The following TBC1D1 variants were observed in gnomAD, a reference collection of about 807,000 sequenced individuals.
TBC1D1 encodes TBC1 (tre-2/USP6, BUB2, cdc16) domain family, member 1.
TBC1D1 carries 89 observed loss-of-function variants against 125.6 expected under a neutral mutation model. The observed-to-expected ratio is 0.71, with a 90% confidence interval of 0.60 to 0.85. The LOEUF is 0.85. Among genes scored for constraint, TBC1D1 ranks in the 40% least tolerant of loss-of-function variants. The pLI is 0.00. For synonymous variants in TBC1D1, 565 were observed against 564.1 expected (o/e 1.00, Z -0.02); for missense variants, 1,377 against 1,469.2 (o/e 0.94, Z 1.03).
intron 6 of TBC1D1, among the ~76,000 whole-genome samples, chr4:38,023,369 C>T (rs537995308): frequency 6.6e-5 from 10 of 152,264 alleles, no homozygotes; most frequent in South Asian, 2.1e-4. Flanking sequence ...AATTTACCAT[C>T]GTAACCTTTT....
At chr4:37,892,341 A>AGGAGT (rs2152198552) in intron 1 of TBC1D1, among the ~76,000 whole-genome samples, 1 of 152,262 alleles carries the variant, frequency 6.6e-6, no homozygotes, top group East Asian at 1.9e-4. Context: ...ACTTGAGCCC[A>AGGAGT]GGAGTTCGAG....
chr4:37,971,770 C>T (rs2152346006), intron 2 of TBC1D1, among the ~76,000 whole-genome samples: 1 of 152,308 alleles, frequency 6.6e-6, no homozygotes, highest in Admixed American at 6.5e-5. Context: ...GAATATATTT[C>T]TAAGCTTTAA....
intron 2 of TBC1D1, among the ~76,000 whole-genome samples, chr4:38,010,841 A>C (rs1390107342): frequency 1.3e-5 from 2 of 152,226 alleles, no homozygotes; most frequent in African/African-American, 4.8e-5. Context: ...GATCCTAATT[A>C]AACCTCCTCC....
chr4:38,095,820 T>C, intron 13 of TBC1D1, 109 bp from the exon 16 acceptor site: 1 of 1,170,390 alleles, frequency 8.5e-7, no homozygotes. Context: ...GTTAAGCCAG[T>C]TGTAACTGCT....
chr4:38,046,304 G>A (rs373494150), intron 10 of TBC1D1, among the ~76,000 whole-genome samples: 2 of 151,846 alleles, frequency 1.3e-5, no homozygotes, highest in Admixed American at 6.6e-5. Context: ...CCTGGGAGGC[G>A]GAGCTTGCAG....
At chr4:38,114,070 C>T (rs1051727484) in intron 15 of TBC1D1, among the ~76,000 whole-genome samples, 10 of 152,134 alleles carry the variant, frequency 6.6e-5, no homozygotes, top group Non-Finnish European at 1.2e-4. Flanking sequence ...CACACCTGCA[C>T]ACAACCTAGA....
chr4:38,026,383 C>T (rs1745094941), intron 6 of TBC1D1, among the ~76,000 whole-genome samples: 1 of 152,182 alleles, frequency 6.6e-6, no homozygotes, highest in Admixed American at 6.5e-5. Flanking sequence ...TGCCGATGGG[C>T]CTCCTGGCCT....
In TBC1D1 at chr4:38,014,587, G is replaced by A. The variant is rs1007608931; in HGVS notation, c.496G>A (p.Asp166Asn). ...GGAGCTGCACTGCCCGTCCGAGTTCGACGACACGTTTTCCAAGAAGTTCGA... is the reference window on the plus strand; with the variant it reads ...GGAGCTGCACTGCCCGTCCGAGTTCAACGACACGTTTTCCAAGAAGTTCGA... Residue 166 changes from aspartate to asparagine, a missense_variant, in exon 3 of 20, where the codon GAC (aspartate) becomes AAC (asparagine). Physicochemically the swap from Asp to Asn is conservative, Grantham distance 23 (BLOSUM62 1). Transcript: ENST00000261439. The surrounding 1 kb of genome is among the most constrained non-coding windows in gnomAD (Gnocchi z 5.1). The A allele has an allele frequency of 6.2e-7, 1 of 1,613,396 alleles. No homozygotes were observed. The highest frequency in any genetic ancestry group is 8.5e-7 in the Non-Finnish European group (1 of 1,180,034).
intron 12 of TBC1D1, among the ~76,000 whole-genome samples, chr4:38,055,429 A>G (rs934640472): frequency 3.9e-5 from 6 of 152,222 alleles, no homozygotes; most frequent in African/African-American, 1.4e-4. Context: ...AGGCAGCATG[A>G]TATCATTACT....
At chr4:37,955,748 A>T (rs1289856309) in intron 2 of TBC1D1, among the ~76,000 whole-genome samples, 1 of 152,218 alleles carries the variant, frequency 6.6e-6, no homozygotes, top group Non-Finnish European at 1.5e-5. Flanking sequence ...GCCCTTTGTT[A>T]TGAGCACCTG....
At chr4:38,042,193 A>C (rs949583979) in intron 8 of TBC1D1, among the ~76,000 whole-genome samples, 24 of 152,154 alleles carry the variant, frequency 1.6e-4, no homozygotes, top group Admixed American at 2.6e-4. Flanking sequence ...AAGCAAACAA[A>C]AAAAGCTCAT....
intron 16 of TBC1D1, 29 bp downstream of exon 18, chr4:38,115,983 C>T (rs1404319592): frequency 6.2e-7 from 1 of 1,604,382 alleles, no homozygotes; most frequent in South Asian, 1.1e-5. Context: ...GTCTTTAATA[C>T]AACAAAATGC....
In TBC1D1 at chr4:38,115,889, C is replaced by T. The variant is rs1175051795; in HGVS notation, c.2737C>T (p.Leu913Phe). 1.9e-6 allele frequency: 3 copies of T among 1,614,064 alleles called. No homozygotes were observed. The highest frequency in any genetic ancestry group is 1.1e-5 in the South Asian group (1 of 91,088). ...GAGTGAGGAAGAGGCGTTTAAAATG[C>T]TCAAGTTTCTGATGTTTGACATGGG... The change falls in exon 16 of 20, where the codon CTC becomes TTC. Residue 913 changes from leucine to phenylalanine, a missense_variant. By Grantham distance (22) the Leu-to-Phe change is conservative. Transcript: ENST00000261439.
intron 14 of TBC1D1, among the ~76,000 whole-genome samples, chr4:38,096,502 T>C (rs1432182002): frequency 1.3e-5 from 2 of 152,236 alleles, no homozygotes; most frequent in Admixed American, 1.3e-4. Flanking sequence ...GCCACTTACT[T>C]TGCAGTGTGA....
chr4:38,116,054 A>G, intron 16 of TBC1D1, 100 bp downstream of exon 18: 1 of 1,325,074 alleles, frequency 7.5e-7, no homozygotes, highest in East Asian at 2.3e-5. Context: ...GTCAGGTAAC[A>G]TTGTAATAGC....
At chr4:38,085,049 G>T (rs1275814478) in intron 12 of TBC1D1, among the ~76,000 whole-genome samples, 1 of 152,144 alleles carries the variant, frequency 6.6e-6, no homozygotes, top group African/African-American at 2.4e-5. Flanking sequence ...TGTCTTTCTC[G>T]ATCATGGCAT....
chr4:37,906,171 A>G (rs1414903836), intron 2 of TBC1D1, among the ~76,000 whole-genome samples: 2 of 151,808 alleles, frequency 1.3e-5, no homozygotes, highest in Non-Finnish European at 2.9e-5. Flanking sequence ...CGCTTGAGAC[A>G]CAGTCTTGTT....
intron 1 of TBC1D1, among the ~76,000 whole-genome samples, chr4:37,896,081 G>A (rs1489371579): frequency 6.6e-6 from 1 of 152,196 alleles, no homozygotes; most frequent in East Asian, 1.9e-4. Context: ...TTGATTCACA[G>A]AGCAATATGA....
intron 12 of TBC1D1, among the ~76,000 whole-genome samples, chr4:38,058,737 T>C (rs1348929060): frequency 6.6e-6 from 1 of 152,126 alleles, no homozygotes; most frequent in Non-Finnish European, 1.5e-5. Context: ...AAGATACTAG[T>C]AAAACACACC....
Sources: allele counts gnomAD v4.1 joint callset (sites outside exome capture counted in the v4.1 genomes callset), GRCh38; gene constraint gnomAD v4.1.1; non-coding constraint Gnocchi (gnomAD v3.1); transcripts MANE v1.5; gene names NCBI Gene and HGNC (gene_info 2026-07-23, HGNC 2026-07-21).